The following TNR variants were observed in gnomAD, a reference collection of about 807,000 sequenced individuals.
TNR encodes tenascin-R.
In TNR, 45 loss-of-function variants were observed where a neutral mutation model predicts 150.4. The ratio of observed to expected loss-of-function variants is 0.30; its 90% CI spans 0.24 to 0.38. The LOEUF (loss-of-function observed/expected upper bound fraction) is 0.38. Among genes scored for constraint, TNR ranks in the 10% least tolerant of loss-of-function variants. The probability of loss-of-function intolerance (pLI) is 1.00; values close to 1 mark genes in which losing one functional copy is unlikely to be tolerated. For missense variants in TNR, 1,544 were observed against 1,759.1 expected (o/e 0.88, Z 2.19); for synonymous variants, 687 against 678.4 (o/e 1.01, Z -0.20).
intron 1 of TNR, among the ~76,000 whole-genome samples, chr1:175,641,755 G>T (rs1664668505): frequency 6.6e-6 from 1 of 152,132 alleles, no homozygotes; most frequent in Non-Finnish European, 1.5e-5. Flanking sequence ...CTAGGATCGT[G>T]CTGAGGATCC....
At chr1:175,337,054 A>G (rs2269588) in intron 19 of TNR, among the ~76,000 whole-genome samples, 114,866 of 151,982 alleles carry the variant, frequency 0.76, 43,587 homozygotes, top group African/African-American at 0.82. Flanking sequence ...CACCATGACC[A>G]GCTAATTTTT....
At chr1:175,480,484 A>G (rs575695847) in intron 2 of TNR, among the ~76,000 whole-genome samples, 58 of 152,196 alleles carry the variant, frequency 3.8e-4, no homozygotes, top group East Asian at 2.3e-3. Context: ...AGAAAAGAAA[A>G]AGAGGTAGAG....
intron 18 of TNR, among the ~76,000 whole-genome samples, chr1:175,343,544 C>A (rs1023529518): frequency 6.6e-6 from 1 of 152,168 alleles, no homozygotes; most frequent in Non-Finnish European, 1.5e-5. Context: ...TGTCCCTATT[C>A]CATTACTCTG....
rs183133854 is a variant in TNR, at chr1:175,336,577, T to C, written c.3535-770A>G. ...CCAAGTGGTGGGAACTCCCGGCTGC[T>C]CCGACCGGCTTGCATTAAGGAGGCT... On this transcript the variant is annotated intron_variant, in intron 19 of 22. Coordinates refer to ENST00000367674, the MANE Select transcript of TNR (RefSeq NM_003285.3). Among the ~76,000 whole-genome samples, 48 of 152,364 alleles carry C rather than the reference T, an allele frequency of 3.2e-4. No individual in the cohort carries two copies. The East Asian group carries it at 4.2e-3, about 13-fold the overall frequency.
chr1:175,403,391 C>A lies in TNR; in HGVS notation c.725G>T (p.Arg242Leu), dbSNP rs755996382. The A allele has an allele frequency of 3.1e-6, 5 of 1,614,072 alleles. No individual in the cohort carries two copies. The highest frequency in any genetic ancestry group is 4.2e-6 in the Non-Finnish European group (5 of 1,180,044). Residue 242 changes from arginine (R) to leucine (L), a missense_variant, in exon 4 of 23, where the codon CGG becomes CTG. Coordinates refer to ENST00000367674, the MANE Select transcript of TNR (RefSeq NM_003285.3). Reference sequence around the variant, plus strand: ...ACACTCCCCGTCCACGCAGAGCCCCCGGGAGCTGCAGTCTGTTGGGCACCG... The same window carrying A: ...ACACTCCCCGTCCACGCAGAGCCCCAGGGAGCTGCAGTCTGTTGGGCACCG... ...ELRCPTDCSS[R>L]GLCVDGECVC...
intron 1 of TNR, among the ~76,000 whole-genome samples, chr1:175,573,309 C>T (rs972497680): frequency 6.6e-6 from 1 of 152,234 alleles, no homozygotes; most frequent in African/African-American, 2.4e-5. Context: ...TGAGCCCACC[C>T]TCCCTCAGAG....
chr1:175,619,607 G>T (rs903070847), intron 1 of TNR, among the ~76,000 whole-genome samples: 1 of 152,172 alleles, frequency 6.6e-6, no homozygotes, highest in Middle Eastern at 3.2e-3. Flanking sequence ...TGGATGTACA[G>T]AATTAGAACA....
At chr1:175,338,216 T>C (rs1571311335) in intron 18 of TNR, among the ~76,000 whole-genome samples, 1 of 152,240 alleles carries the variant, frequency 6.6e-6, no homozygotes, top group African/African-American at 2.4e-5. Flanking sequence ...AGCAAGAAGA[T>C]GAATTATCTA....
intron 7 of TNR, among the ~76,000 whole-genome samples, chr1:175,388,432 G>A (rs1225124143): frequency 6.6e-6 from 1 of 152,166 alleles, no homozygotes; most frequent in East Asian, 1.9e-4. Context: ...TCACAAAATG[G>A]CCTGCCTAGA....
Position 175,599,433 on chromosome 1 carries a change from A to C in TNR, c.-164-71064T>G, listed in dbSNP as rs1558031057. Among the ~76,000 whole-genome samples the C allele has an allele frequency of 6.6e-6, 1 of 152,252 alleles. No homozygotes were observed. Among genetic ancestry groups the C allele is most frequent in the African/African-American group, 2.4e-5 (1 of 41,474 alleles). On this transcript the variant is annotated intron_variant, in intron 1 of 22. Coordinates refer to ENST00000367674, the MANE Select transcript of TNR (RefSeq NM_003285.3). The surrounding 1 kb of genome is among the most constrained non-coding windows in gnomAD (Gnocchi z 4.7). ...TTCGTGTTGTCATGGCGACGGAAGC[A>C]GACCATTAGAGCATTACGAGGAAAT...
chr1:175,664,209 C>T (rs1665463651), intron 1 of TNR, among the ~76,000 whole-genome samples: 1 of 152,226 alleles, frequency 6.6e-6, no homozygotes, highest in Non-Finnish European at 1.5e-5. Context: ...TGGGCAAAAA[C>T]CTGGACCTAG....
chr1:175,446,557 C>A (rs73042494), intron 2 of TNR, among the ~76,000 whole-genome samples: 1 of 152,030 alleles, frequency 6.6e-6, no homozygotes, highest in Non-Finnish European at 1.5e-5. Flanking sequence ...ATAGATCCAT[C>A]GACAGATATG....
At chr1:175,340,477 A>G (rs1650468690) in intron 18 of TNR, among the ~76,000 whole-genome samples, 1 of 152,196 alleles carries the variant, frequency 6.6e-6, no homozygotes, top group Non-Finnish European at 1.5e-5. Context: ...TTCCTTTTCA[A>G]CCTGCTTCAG....
At chr1:175,696,273 G>C (rs1666522578) in intron 1 of TNR, among the ~76,000 whole-genome samples, 1 of 115,038 alleles carries the variant, frequency 8.7e-6, no homozygotes, top group Non-Finnish European at 1.7e-5. Flanking sequence ...ATCTAGAACA[G>C]ATAAAAGGGT....
intron 2 of TNR, among the ~76,000 whole-genome samples, chr1:175,431,739 C>A (rs906009298): frequency 6.6e-6 from 1 of 151,144 alleles, no homozygotes; most frequent in Non-Finnish European, 1.5e-5. Context: ...TGGTGGTAGT[C>A]TTCTGGTCCC....
intron 2 of TNR, among the ~76,000 whole-genome samples, chr1:175,463,884 T>G (rs1656921073): frequency 6.6e-6 from 1 of 152,202 alleles, no homozygotes; most frequent in African/African-American, 2.4e-5. Flanking sequence ...GAATATATGA[T>G]TCCAATGGAG....
At chr1:175,353,859 T>TTTTA (rs1651190692) in intron 18 of TNR, among the ~76,000 whole-genome samples, 1 of 151,572 alleles carries the variant, frequency 6.6e-6, no homozygotes, top group African/African-American at 2.4e-5. Flanking sequence ...TTATTTTTTT[T>TTTTA]TTTTGAGACG....
chr1:175,370,677 T>C (rs1365915470), intron 9 of TNR, among the ~76,000 whole-genome samples: 1 of 152,194 alleles, frequency 6.6e-6, no homozygotes, highest in African/African-American at 2.4e-5. Flanking sequence ...CTTTGGGACA[T>C]AAACTACTTT....
intron 2 of TNR, among the ~76,000 whole-genome samples, chr1:175,457,964 A>G (rs991446665): frequency 7.9e-5 from 12 of 152,256 alleles, no homozygotes; most frequent in East Asian, 3.8e-4. Context: ...TCTGAATAGA[A>G]AGTGAGTATC....
Sources: gnomAD v4.1 joint callset for allele counts (sites outside exome capture counted in the v4.1 genomes callset) on GRCh38, gnomAD v4.1.1 for gene constraint, Gnocchi (gnomAD v3.1) non-coding constraint, MANE v1.5 for transcripts, NCBI Gene and HGNC (gene_info 2026-07-23, HGNC 2026-07-21) for gene names.